CNTNAP5: variants seen among roughly 807,000 people sequenced by gnomAD.
CNTNAP5 encodes contactin-associated protein-like 5.
A neutral mutation model predicts 150.2 loss-of-function variants in CNTNAP5; 72 were observed. That is an observed-to-expected ratio of 0.48 (90% confidence interval 0.40 to 0.58). CNTNAP5 has a LOEUF of 0.58. Ranked by LOEUF, CNTNAP5 falls within the 20% of genes least tolerant of loss-of-function variation. The probability of loss-of-function intolerance (pLI) is 0.00; values close to 1 mark genes in which losing one functional copy is unlikely to be tolerated. For missense variants in CNTNAP5, 1,636 were observed against 1,626.2 expected, an observed-to-expected ratio of 1.01 and a Z score of -0.10; for synonymous variants, 672 against 619.8, an observed-to-expected ratio of 1.08 and a Z score of -1.25.
chr2:124,657,583 G>A (rs75724443), intron 13 of CNTNAP5, among the ~76,000 whole-genome samples: 2,606 of 152,224 alleles, frequency 0.017, 68 homozygotes, highest in African/African-American at 0.06. Context: ...TGCAGCCAGA[G>A]TGATAATCTT....
At chr2:124,666,156 CAG>C (rs1055152792) in intron 13 of CNTNAP5, among the ~76,000 whole-genome samples, 4 of 152,048 alleles carry the variant, frequency 2.6e-5, no homozygotes, top group Non-Finnish European at 5.9e-5. Context: ...TTTAGGGAGA[CAG>C]AAGTTACAGG....
intron 14 of CNTNAP5, among the ~76,000 whole-genome samples, chr2:124,759,526 T>C (rs1171717970): frequency 6.6e-6 from 1 of 151,118 alleles, no homozygotes; most frequent in Non-Finnish European, 1.5e-5. Flanking sequence ...TTAAAATCAG[T>C]TTTACATCTC....
At chr2:124,315,215 C>A (rs547490265) in intron 3 of CNTNAP5, among the ~76,000 whole-genome samples, 3 of 152,266 alleles carry the variant, frequency 2.0e-5, no homozygotes, top group African/African-American at 7.2e-5. Context: ...CCTGTCAAGG[C>A]CTTCCAAAGT....
chr2:124,766,083 G>A (rs1043415965), intron 16 of CNTNAP5, among the ~76,000 whole-genome samples: 5 of 152,132 alleles, frequency 3.3e-5, no homozygotes, highest in Admixed American at 3.3e-4. Context: ...AATTACTTGT[G>A]TATGGTAATA....
intron 1 of CNTNAP5, among the ~76,000 whole-genome samples, chr2:124,180,788 C>G (rs531522345): frequency 6.7e-6 from 1 of 148,770 alleles, no homozygotes; most frequent in Non-Finnish European, 1.5e-5. Context: ...AATCTCCCCC[C>G]AAATAATTCA....
intron 4 of CNTNAP5, among the ~76,000 whole-genome samples, chr2:124,423,302 G>A (rs1478666433): frequency 1.3e-5 from 2 of 152,114 alleles, no homozygotes; most frequent in Non-Finnish European, 2.9e-5. Flanking sequence ...AGATATTTAG[G>A]CTGCTCACCA....
At chr2:124,105,398 A>AT (rs1183246374) in intron 1 of CNTNAP5, among the ~76,000 whole-genome samples, 2 of 152,168 alleles carry the variant, frequency 1.3e-5, no homozygotes, top group Non-Finnish European at 2.9e-5. Context: ...AAAACTTGTC[A>AT]TTTTTTGAGA....
intron 1 of CNTNAP5, among the ~76,000 whole-genome samples, chr2:124,218,176 G>A (rs1686209742): frequency 6.6e-6 from 1 of 152,020 alleles, no homozygotes; most frequent in African/African-American, 2.4e-5. Context: ...GCTTGAGGTT[G>A]CAATTTTTTG....
intron 11 of CNTNAP5, among the ~76,000 whole-genome samples, chr2:124,583,071 C>G (rs1696450774): frequency 6.6e-6 from 1 of 152,082 alleles, no homozygotes; most frequent in South Asian, 2.1e-4. Context: ...TTGGGGATAT[C>G]CATGTGAAGT....
intron 1 of CNTNAP5, among the ~76,000 whole-genome samples, chr2:124,116,211 G>T (rs1683425879): frequency 6.6e-6 from 1 of 152,138 alleles, no homozygotes; most frequent in Non-Finnish European, 1.5e-5. Context: ...CTGAGGTTGT[G>T]GTCCCTCCCT....
At chr2:124,251,398 G>T (rs1049367587) in intron 3 of CNTNAP5, among the ~76,000 whole-genome samples, 1 of 151,252 alleles carries the variant, frequency 6.6e-6, no homozygotes, top group Non-Finnish European at 1.5e-5. Flanking sequence ...TAGGAAGGGA[G>T]TATTGGAAGT....
intron 11 of CNTNAP5, among the ~76,000 whole-genome samples, chr2:124,573,034 T>C (rs1221912064): frequency 1.3e-5 from 2 of 152,204 alleles, no homozygotes; most frequent in Non-Finnish European, 2.9e-5. Flanking sequence ...AATCACTGAA[T>C]GTAAACATTC....
intron 17 of CNTNAP5, among the ~76,000 whole-genome samples, chr2:124,778,267 T>C (rs1681370578): frequency 6.6e-6 from 1 of 152,110 alleles, no homozygotes; most frequent in Non-Finnish European, 1.5e-5. Context: ...CTGGTTTCCA[T>C]TTCTCTGAGT....
chr2:124,374,797 G>A (rs909799354), intron 3 of CNTNAP5, among the ~76,000 whole-genome samples: 13 of 152,016 alleles, frequency 8.6e-5, no homozygotes, highest in Admixed American at 8.5e-4. Context: ...CAGTGGAGCT[G>A]GGGCAGGGAG....
intron 3 of CNTNAP5, among the ~76,000 whole-genome samples, chr2:124,400,525 C>T (rs143872608): frequency 0.04 from 6,055 of 152,150 alleles, 133 homozygotes; most frequent in Non-Finnish European, 0.042. Flanking sequence ...TGGGCCTGGC[C>T]CTTGCTGCAA....
At chr2:124,227,198 C>A (rs1686481913) in intron 2 of CNTNAP5, among the ~76,000 whole-genome samples, 2 of 152,112 alleles carry the variant, frequency 1.3e-5, no homozygotes, top group South Asian at 2.1e-4. Context: ...ATACACTGAG[C>A]CATATTTTAT....
chr2:124,851,454 A>G (rs187929112), intron 19 of CNTNAP5, among the ~76,000 whole-genome samples: 173 of 152,352 alleles, frequency 1.1e-3, no homozygotes, highest in South Asian at 3.1e-3. Flanking sequence ...AGAATTGTAA[A>G]GGAATGGGGT....
At chr2:124,113,902 C>G (rs1184699768) in intron 1 of CNTNAP5, among the ~76,000 whole-genome samples, 3 of 151,810 alleles carry the variant, frequency 2.0e-5, no homozygotes, top group African/African-American at 7.3e-5. Flanking sequence ...ATCACCTTTG[C>G]TATATATCAA....
intron 13 of CNTNAP5, among the ~76,000 whole-genome samples, chr2:124,701,735 T>C (rs180780073): frequency 3.3e-4 from 51 of 152,294 alleles, no homozygotes; most frequent in African/African-American, 1.1e-3. Context: ...TATCTCATAG[T>C]GGTTTTGATT....
Sources: allele counts gnomAD v4.1 joint callset (sites outside exome capture counted in the v4.1 genomes callset), GRCh38; gene constraint gnomAD v4.1.1; transcripts MANE v1.5; gene names NCBI Gene and HGNC (gene_info 2026-07-23, HGNC 2026-07-21).